TCF12: variants seen among roughly 807,000 people sequenced by gnomAD.
The protein encoded by TCF12 is transcription factor 12, also known as DNA-binding protein HTF4.
Under a neutral mutation model 86.0 loss-of-function variants are expected in TCF12, and 45 were observed. That is an observed-to-expected ratio of 0.52 (90% confidence interval 0.41 to 0.67). The LOEUF (loss-of-function observed/expected upper bound fraction) is 0.67, where lower values mean the gene tolerates loss of function less well. Ranked by LOEUF, TCF12 falls within the 30% of genes least tolerant of loss-of-function variation. The pLI is 0.00. For missense variants in TCF12, 881 were observed against 859.9 expected, an observed-to-expected ratio of 1.02 and a Z score of -0.31; for synonymous variants, 330 against 299.6, an observed-to-expected ratio of 1.10 and a Z score of -1.05.
chr15:57,116,020 A>G (rs902709617), intron 5 of TCF12, among the ~76,000 whole-genome samples: 2 of 152,174 alleles, frequency 1.3e-5, no homozygotes, highest in Non-Finnish European at 2.9e-5. Flanking sequence ...GGATTCTGTC[A>G]TGATTGTTTC....
chr15:57,226,263 ATTGT>A (rs1232851502), intron 8 of TCF12, among the ~76,000 whole-genome samples: 2 of 126,786 alleles, frequency 1.6e-5, no homozygotes, highest in African/African-American at 6.0e-5. Flanking sequence ...TAAAGTTTTT[ATTGT>A]TTAATACTAA....
At chr15:57,209,846 A>G (rs1200919736) in intron 8 of TCF12, among the ~76,000 whole-genome samples, 6 of 152,040 alleles carry the variant, frequency 3.9e-5, no homozygotes, top group African/African-American at 1.4e-4. Context: ...ACTTCACTCT[A>G]GCCATACTCT....
At chr15:57,026,907 C>T (rs2065858074) in intron 3 of TCF12, among the ~76,000 whole-genome samples, 1 of 152,106 alleles carries the variant, frequency 6.6e-6, no homozygotes, top group South Asian at 2.1e-4. Flanking sequence ...TTCTAGATTA[C>T]ATATAATACC....
At chr15:57,184,941 TATC>T (rs1438619902) in intron 6 of TCF12, among the ~76,000 whole-genome samples, 1 of 152,230 alleles carries the variant, frequency 6.6e-6, no homozygotes, top group African/African-American at 2.4e-5. Flanking sequence ...TTCTCCCTTT[TATC>T]ATTTCTTCTG....
chr15:57,116,627 G>A (rs762967280), intron 5 of TCF12, among the ~76,000 whole-genome samples: 1 of 152,098 alleles, frequency 6.6e-6, no homozygotes, highest in Non-Finnish European at 1.5e-5. Flanking sequence ...GATTACAGGA[G>A]TGAGCCACTG....
chr15:57,268,804 C>A (rs2060989208), intron 18 of TCF12, among the ~76,000 whole-genome samples: 1 of 148,570 alleles, frequency 6.7e-6, no homozygotes, highest in African/African-American at 2.5e-5. Flanking sequence ...CAAGAAACAC[C>A]ACTATTCAGA....
At chr15:57,279,866 T>G (rs1347549831) in intron 19 of TCF12, among the ~76,000 whole-genome samples, 5 of 149,772 alleles carry the variant, frequency 3.3e-5, no homozygotes, top group Admixed American at 6.6e-5. Flanking sequence ...ATATGAGACT[T>G]TAACCTCCAC....
intron 3 of TCF12, among the ~76,000 whole-genome samples, chr15:57,032,523 T>C (rs2066262450): frequency 6.6e-6 from 1 of 152,182 alleles, no homozygotes; most frequent in East Asian, 1.9e-4. Context: ...GGACCTCCCA[T>C]GCTCAAGTGA....
intron 3 of TCF12, among the ~76,000 whole-genome samples, chr15:56,965,811 A>G (rs2061977511): frequency 6.6e-6 from 1 of 152,186 alleles, no homozygotes; most frequent in African/African-American, 2.4e-5. Context: ...GCAGTTATCC[A>G]TGATGGGAAA....
chr15:57,125,392 A>G (rs2051568309), intron 5 of TCF12, among the ~76,000 whole-genome samples: 1 of 152,224 alleles, frequency 6.6e-6, no homozygotes, highest in African/African-American at 2.4e-5. Context: ...GTGATTGGTA[A>G]TAGGATGCAC....
chr15:57,110,134 A>G (rs554331575), intron 5 of TCF12, among the ~76,000 whole-genome samples: 23 of 152,358 alleles, frequency 1.5e-4, no homozygotes, highest in African/African-American at 5.0e-4. Flanking sequence ...ATAACAATGT[A>G]TAATATATCT....
In TCF12 at chr15:57,208,768, T is replaced by C. The variant is rs1487048113; in HGVS notation, c.579+10943T>C. Among the ~76,000 whole-genome samples, 3 of 151,822 alleles carry C rather than the reference T, an allele frequency of 2.0e-5. No individual in the cohort carries two copies. The East Asian group carries it at 5.8e-4, about 29-fold the overall frequency. On this transcript the variant is annotated intron_variant, in intron 8 of 20. Coordinates refer to ENST00000333725, the MANE Select transcript of TCF12 (RefSeq NM_207037.2). ...TGTGGTCCAGGCTGGAGTACAGTGG[T>C]GCCATCATAGCTCGCTGCGGCCTCA...
chr15:56,955,882 A>G (rs1300692262), intron 3 of TCF12, among the ~76,000 whole-genome samples: 1 of 152,122 alleles, frequency 6.6e-6, no homozygotes, highest in African/African-American at 2.4e-5. Context: ...TTGCAGTTTC[A>G]TCAGTTTGTC....
chr15:56,944,566 T>C (rs1266807842), intron 3 of TCF12, among the ~76,000 whole-genome samples: 1 of 152,182 alleles, frequency 6.6e-6, no homozygotes, highest in Non-Finnish European at 1.5e-5. Context: ...TAGTAAAAAA[T>C]TACTTTCCCT....
At chr15:57,192,393 C>G in intron 7 of TCF12, 100 bp downstream of exon 7, 1 of 1,457,676 alleles carries the variant, frequency 6.9e-7, no homozygotes, top group African/African-American at 1.5e-5. Context: ...TTTTTTCTTT[C>G]CGTTTCTTTG....
chr15:57,092,349 G>A (rs1280834867), intron 5 of TCF12, among the ~76,000 whole-genome samples: 1 of 152,138 alleles, frequency 6.6e-6, no homozygotes, highest in East Asian at 1.9e-4. Flanking sequence ...TTTAGATATT[G>A]CAGCATTGTT....
chr15:57,242,210 T>C (rs148693686), intron 12 of TCF12, among the ~76,000 whole-genome samples: 2 of 152,226 alleles, frequency 1.3e-5, no homozygotes, highest in South Asian at 2.1e-4. Flanking sequence ...TGGATGACTT[T>C]TTGCACTCAC....
intron 3 of TCF12, among the ~76,000 whole-genome samples, chr15:57,014,850 G>A (rs1366497945): frequency 6.8e-6 from 1 of 147,546 alleles, no homozygotes; most frequent in Non-Finnish European, 1.5e-5. Context: ...AGGTATAATG[G>A]TTCTCTGGAC....
intron 3 of TCF12, among the ~76,000 whole-genome samples, chr15:57,016,514 T>A (rs1343287891): frequency 6.6e-6 from 1 of 152,192 alleles, no homozygotes; most frequent in African/African-American, 2.4e-5. Context: ...TCAGAGTTCC[T>A]GTTTGTAGTA....
Sources: allele counts gnomAD v4.1 joint callset (sites outside exome capture counted in the v4.1 genomes callset), GRCh38; gene constraint gnomAD v4.1.1; transcripts MANE v1.5; gene names NCBI Gene and HGNC (gene_info 2026-07-23, HGNC 2026-07-21).